GLRB: variants seen among roughly 807,000 people sequenced by gnomAD.
GLRB encodes the protein glycine receptor subunit beta.
In GLRB, 33 loss-of-function variants were observed where a neutral mutation model predicts 54.2. The ratio of observed to expected loss-of-function variants is 0.61; its 90% confidence interval spans 0.46 to 0.81. The LOEUF is 0.81. GLRB is among the 40% of genes least tolerant of loss of function. The pLI, the probability that GLRB is intolerant of heterozygous loss-of-function variation, is 0.00. For synonymous variants in GLRB, 209 were observed against 208.2 expected, an observed-to-expected ratio of 1.00 and a Z score of -0.03; for missense variants, 572 against 584.6, an observed-to-expected ratio of 0.98 and a Z score of 0.22.
intron 2 of GLRB, among the ~76,000 whole-genome samples, chr4:157,078,709 A>G (rs1418988271): frequency 6.6e-6 from 1 of 152,162 alleles, no homozygotes; most frequent in African/African-American, 2.4e-5. Context: ...ATTTGAAATT[A>G]CTTGAAAACA....
At chr4:157,093,997 C>A (rs1451864670) in intron 2 of GLRB, among the ~76,000 whole-genome samples, 1 of 152,106 alleles carries the variant, frequency 6.6e-6, no homozygotes, top group Non-Finnish European at 1.5e-5. Flanking sequence ...GTCTTTCTGC[C>A]TCAATCTGTC....
chr4:157,144,311 A>G (rs763834834), intron 8 of GLRB, among the ~76,000 whole-genome samples: 4 of 152,328 alleles, frequency 2.6e-5, no homozygotes, highest in South Asian at 2.1e-4. Context: ...TCTTTCTGAA[A>G]AATAGTATGT....
At chr4:157,152,184 A>G (rs1737045148) in intron 8 of GLRB, among the ~76,000 whole-genome samples, 1 of 152,178 alleles carries the variant, frequency 6.6e-6, no homozygotes. Flanking sequence ...GAAATCTGGA[A>G]TCATATGTTC....
intron 4 of GLRB, among the ~76,000 whole-genome samples, chr4:157,129,732 T>G (rs1736142809): frequency 6.6e-6 from 1 of 151,556 alleles, no homozygotes; most frequent in Non-Finnish European, 1.5e-5. Flanking sequence ...AACAAAATAA[T>G]TGGGGTAGAG....
At chr4:157,105,587 T>C (rs1310958900) in intron 2 of GLRB, among the ~76,000 whole-genome samples, 1 of 151,866 alleles carries the variant, frequency 6.6e-6, no homozygotes, top group East Asian at 1.9e-4. Context: ...TGTCTGATTG[T>C]TCTGTCCATT....
intron 3 of GLRB, 133 bp from the exon 4 acceptor site, chr4:157,122,197 G>T: frequency 2.1e-6 from 1 of 467,968 alleles, no homozygotes; most frequent in Admixed American, 3.7e-5. Context: ...ATGTTATACT[G>T]AGACCATAGA....
At chr4:157,117,521 G>C (rs1735649157) in intron 2 of GLRB, among the ~76,000 whole-genome samples, 1 of 151,676 alleles carries the variant, frequency 6.6e-6, no homozygotes, top group Admixed American at 6.6e-5. Context: ...TTCCGCACCA[G>C]ACTATTGATC....
intron 2 of GLRB, among the ~76,000 whole-genome samples, chr4:157,118,036 G>A: frequency 6.6e-6 from 1 of 151,590 alleles, no homozygotes; most frequent in East Asian, 2.0e-4. Flanking sequence ...CAATATTCCA[G>A]GAAGAGAGAC....
chr4:157,133,108 T>C (rs1736276325), intron 4 of GLRB, among the ~76,000 whole-genome samples: 1 of 151,912 alleles, frequency 6.6e-6, no homozygotes, highest in Non-Finnish European at 1.5e-5. Flanking sequence ...TTTACAACAA[T>C]AGAAAAGGAA....
chr4:157,098,759 C>A (rs1734908504), intron 2 of GLRB, among the ~76,000 whole-genome samples: 1 of 152,014 alleles, frequency 6.6e-6, no homozygotes, highest in Non-Finnish European at 1.5e-5. Flanking sequence ...GCATGCACCA[C>A]CATGCTGGCT....
chr4:157,166,583 A>G (rs906322976), intron 9 of GLRB, among the ~76,000 whole-genome samples: 1 of 152,072 alleles, frequency 6.6e-6, no homozygotes, highest in South Asian at 2.1e-4. Context: ...TTTATTCAGT[A>G]TGTCATTATC....
At chr4:157,155,107 T>A (rs1222837592) in intron 9 of GLRB, among the ~76,000 whole-genome samples, 1 of 152,166 alleles carries the variant, frequency 6.6e-6, no homozygotes, top group Non-Finnish European at 1.5e-5. Context: ...ATATCTCTTT[T>A]ATTATTTTCT....
intron 8 of GLRB, among the ~76,000 whole-genome samples, chr4:157,144,173 G>T (rs990460778): frequency 6.6e-6 from 1 of 152,030 alleles, no homozygotes; most frequent in Non-Finnish European, 1.5e-5. Context: ...CATGTCCTTG[G>T]AGTATTATAA....
chr4:157,145,011 A>G (rs1373083689), intron 8 of GLRB, among the ~76,000 whole-genome samples: 1 of 152,244 alleles, frequency 6.6e-6, no homozygotes, highest in Non-Finnish European at 1.5e-5. Flanking sequence ...TTACTGGGAA[A>G]ATAACCAAAA....
rs1219757029 is a variant in GLRB, at chr4:157,136,827, C to G, written c.551C>G (p.Pro184Arg). The G allele has an allele frequency of 6.2e-7, 1 of 1,610,560 alleles. No homozygotes were observed. ...SMRLSITLSC[P>R]LDLTLFPMDT... ...AGGTTATCTATTACTCTTTCATGCCCTTTGGACTTGACATTGTTTCCCATG... is the reference window on the plus strand; with the variant it reads ...AGGTTATCTATTACTCTTTCATGCCGTTTGGACTTGACATTGTTTCCCATG... The change falls in exon 6 of 10, where the codon CCT (proline) becomes CGT (arginine). Residue 184 changes from proline (P) to arginine (R), a missense_variant. Transcript: ENST00000264428.
intron 9 of GLRB, among the ~76,000 whole-genome samples, chr4:157,154,586 T>G (rs548994042): frequency 6.6e-6 from 1 of 151,870 alleles, no homozygotes; most frequent in African/African-American, 2.4e-5. Flanking sequence ...TGCCACCATG[T>G]CTGGCTAATT....
intron 2 of GLRB, chr4:157,084,860 A>G (rs1322879559): frequency 2.4e-5 from 8 of 333,762 alleles, no homozygotes; most frequent in Non-Finnish European, 4.1e-5. Flanking sequence ...AGATTTTAGT[A>G]TAATTCCAGT....
At chr4:157,086,703 T>C (rs911512905) in intron 2 of GLRB, among the ~76,000 whole-genome samples, 3 of 152,178 alleles carry the variant, frequency 2.0e-5, no homozygotes, top group Non-Finnish European at 2.9e-5. Flanking sequence ...ATAAGTTCAA[T>C]TAAAGGAAAA....
In GLRB at chr4:157,170,751, A is replaced by G. The variant is rs762423422; in HGVS notation, c.*23A>G. On this transcript the variant is annotated 3_prime_UTR_variant, in exon 10 of 10. Coordinates refer to ENST00000264428, the MANE Select transcript of GLRB (RefSeq NM_000824.5). ...TGATAAATCTTTTCCATTTGTACAA[A>G]ATAAAATTCCATTTCATTGTGACCT... 1.6e-5 allele frequency: 21 copies of G among 1,338,240 alleles called. No homozygotes were observed. Among genetic ancestry groups the G allele is most frequent in the Non-Finnish European group, 2.0e-5 (20 of 984,814 alleles). The allele number at this position is 1,338,240 out of a possible 1,614,324, so 82.9% of individuals were successfully genotyped here. A position where few individuals can be genotyped will look rare whatever the true frequency, so the allele number is the denominator to read the frequency against.
Sources: gnomAD v4.1 joint callset for allele counts (sites outside exome capture counted in the v4.1 genomes callset) on GRCh38, gnomAD v4.1.1 for gene constraint, MANE v1.5 for transcripts, NCBI Gene and HGNC (gene_info 2026-07-23, HGNC 2026-07-21) for gene names.